FMOD: variants seen among roughly 807,000 people sequenced by gnomAD.
FMOD encodes the protein KSPG fibromodulin.
FMOD carries 15 observed loss-of-function variants against 27.0 expected under a neutral mutation model. The ratio of observed to expected loss-of-function variants is 0.55; its 90% CI spans 0.37 to 0.85. FMOD has a LOEUF of 0.85. Ranked by LOEUF, FMOD falls within the 40% of genes least tolerant of loss-of-function variation. The pLI is 0.00. For missense variants in FMOD, 460 were observed against 483.2 expected, an observed-to-expected ratio of 0.95 and a Z score of 0.45; for synonymous variants, 210 against 214.0, an observed-to-expected ratio of 0.98 and a Z score of 0.16.
chr1:203,350,574 C>T (rs1323144555), intron 1 of FMOD, among the ~76,000 whole-genome samples: 5 of 129,824 alleles, frequency 3.9e-5, no homozygotes, highest in Admixed American at 8.3e-5. Context: ...CTTTCCACTC[C>T]AAACACACAC....
At chr1:203,346,697 G>C (rs139031901) in intron 2 of FMOD, among the ~76,000 whole-genome samples, 2 of 152,210 alleles carry the variant, frequency 1.3e-5, no homozygotes, top group East Asian at 3.9e-4. Context: ...CACAAGACCA[G>C]GCTGTAGACG....
At chr1:203,348,817 G>A (rs1348924848) in intron 1 of FMOD, among the ~76,000 whole-genome samples, 1 of 152,240 alleles carries the variant, frequency 6.6e-6, no homozygotes, top group Non-Finnish European at 1.5e-5. Context: ...ACTACATCTG[G>A]AAAATCTTTT....
In FMOD at chr1:203,342,248, C is replaced by T; in HGVS notation, c.*95G>A. On this transcript the variant is annotated 3_prime_UTR_variant, in exon 3 of 3. Transcript: ENST00000354955. ...AGAGGGTGCCCGTGGACTTCTGTCACATGGTCCATCCTGGACCTTCCAGCA... is the reference window on the plus strand; with the variant it reads ...AGAGGGTGCCCGTGGACTTCTGTCATATGGTCCATCCTGGACCTTCCAGCA... 6.9e-7 allele frequency: 1 copy of T among 1,454,244 alleles called. No homozygotes were observed. Among genetic ancestry groups the T allele is most frequent in the South Asian group, 1.3e-5 (1 of 74,288 alleles). 90.1% of individuals were successfully genotyped at this position (1,454,244 alleles called of 1,614,324 possible).
intron 1 of FMOD, among the ~76,000 whole-genome samples, chr1:203,349,825 C>T (rs1658960217): frequency 6.6e-6 from 1 of 152,246 alleles, no homozygotes; most frequent in Non-Finnish European, 1.5e-5. Context: ...CTTGGGCCCA[C>T]TTCATCCCAT....
intron 1 of FMOD, among the ~76,000 whole-genome samples, chr1:203,349,600 G>T (rs1343466922): frequency 6.6e-6 from 1 of 152,166 alleles, no homozygotes; most frequent in Admixed American, 6.5e-5. Context: ...AGAAACCTTA[G>T]AATCTTTCTT....
chr1:203,350,937 C>T (rs1658988682), intron 1 of FMOD, 96 bp downstream of exon 1: 1 of 152,278 alleles, frequency 6.6e-6, no homozygotes, highest in Admixed American at 6.5e-5. Flanking sequence ...AATGAACCCT[C>T]CCTGCCTCCC....
rs1367719784 is a variant in FMOD at position 203,347,892 on chromosome 1, T to C, written c.379A>G (p.Asn127Asp). Reference protein sequence around the residue: ...ITSIQEGVFDNATGLLWIALH... With the variant: ...ITSIQEGVFDDATGLLWIALH... ...GCAATCCAGAGCAGCCCTGTGGCAT[T>C]GTCAAAGACGCCTTCCTGGATGGAG... is the stretch of plus-strand genomic sequence containing the variant. The change falls in exon 2 of 3, where the codon AAT becomes GAT. Residue 127 changes from asparagine (N) to aspartate (D), a missense_variant. Asn to Asp is a conservative substitution (Grantham distance 23). Transcript: ENST00000354955. The C allele has an allele frequency of 1.2e-6, 2 of 1,613,650 alleles. No homozygotes were observed. Among genetic ancestry groups the C allele is most frequent in the Non-Finnish European group, 1.7e-6 (2 of 1,179,712 alleles).
intron 1 of FMOD, 49 bp from the exon 2 acceptor site, chr1:203,348,326 A>T: frequency 6.4e-7 from 1 of 1,568,992 alleles, no homozygotes; most frequent in South Asian, 1.2e-5. Context: ...GTGAGACTCC[A>T]CAGAGGCAGT....
chr1:203,350,124 T>A (rs1658965524), intron 1 of FMOD, among the ~76,000 whole-genome samples: 1 of 152,226 alleles, frequency 6.6e-6, no homozygotes, highest in African/African-American at 2.4e-5. Flanking sequence ...CTGGGCACCT[T>A]GGCAGACAAG....
intron 2 of FMOD, among the ~76,000 whole-genome samples, chr1:203,343,566 G>C (rs1447471281): frequency 6.6e-6 from 1 of 152,208 alleles, no homozygotes; most frequent in Non-Finnish European, 1.5e-5. Flanking sequence ...GGGTCTTGAG[G>C]GTAGGATTGT....
Position 203,345,206 on chromosome 1 carries a change from T to C in FMOD, c.979+2086A>G, listed in dbSNP as rs139487477. 7.0e-3 allele frequency among the ~76,000 whole-genome samples: 1,071 copies of C among 152,088 alleles called. 14 individuals carry two copies. Among genetic ancestry groups the C allele is most frequent in the African/African-American group, 0.025 (1,022 of 41,472 alleles). On this transcript the variant is annotated intron_variant, in intron 2 of 2. Coordinates refer to ENST00000354955, the MANE Select transcript of FMOD (RefSeq NM_002023.5). ...TGATTTGGGAGTAGACACCGAAAAT[T>C]TGGGGGTTGTTTGAACAGAGAATTT...
At chr1:203,343,405 C>T (rs1658830283) in intron 2 of FMOD, among the ~76,000 whole-genome samples, 1 of 152,200 alleles carries the variant, frequency 6.6e-6, no homozygotes, top group Admixed American at 6.5e-5. Context: ...AAGCCAAGAA[C>T]TCAGCTAAAA....
At chr1:203,347,221 C>T in intron 2 of FMOD, 71 bp downstream of exon 2, 2 of 1,512,434 alleles carry the variant, frequency 1.3e-6, no homozygotes, top group Non-Finnish European at 8.9e-7. Context: ...TGTTTTGCCA[C>T]TAGCACTCAG....
At chr1:203,344,992 A>G (rs895449143) in intron 2 of FMOD, among the ~76,000 whole-genome samples, 3 of 152,212 alleles carry the variant, frequency 2.0e-5, no homozygotes, top group Non-Finnish European at 4.4e-5. Context: ...TAAAGTGGCA[A>G]TGAGAAGAAA....
Position 203,347,812 on chromosome 1 carries a change from C to T in FMOD, c.459G>A (p.Lys153=), listed in dbSNP as rs183197075. The T allele has an allele frequency of 7.4e-6, 12 of 1,613,976 alleles. No individual in the cohort carries two copies. The African/African-American group carries it at 9.3e-5, about 13-fold the overall frequency. Residue 153 remains lysine (K), a synonymous_variant, in exon 2 of 3, where the codon AAG becomes AAA. Transcript: ENST00000354955. ...GGTACAGCCTCTCCAGGTGCCTCAG[C>T]TTGGAGAAGACCTTCCTGCCCACCT... ...SDKVGRKVFS[K]LRHLERLYLD...
chr1:203,347,512 G>A lies in FMOD; in HGVS notation c.759C>T (p.His253=), dbSNP rs77856193. ...TATCGGGGACGGTGTAGACATTGTT[G>A]TGCTCCATGTACAGCTGCTCAAGAG... ...PSALEQLYME[H]NNVYTVPDSY... Residue 253 remains histidine (H), a synonymous_variant, in exon 2 of 3, where the codon CAC becomes CAT. Coordinates refer to ENST00000354955, the MANE Select transcript of FMOD (RefSeq NM_002023.5). 2,686 of 1,614,192 alleles carry A rather than the reference G, an allele frequency of 1.7e-3. 38 individuals carry two copies. The African/African-American group carries it at 0.032, about 19-fold the overall frequency.
At chr1:203,344,360 A>G (rs1038888591) in intron 2 of FMOD, among the ~76,000 whole-genome samples, 3 of 152,176 alleles carry the variant, frequency 2.0e-5, no homozygotes, top group Admixed American at 2.0e-4. Context: ...CACACAGTGT[A>G]TATGGACTCT....
At chr1:203,349,254 A>G (rs2102305790) in intron 1 of FMOD, among the ~76,000 whole-genome samples, 1 of 152,350 alleles carries the variant, frequency 6.6e-6, no homozygotes, top group Admixed American at 6.5e-5. Flanking sequence ...ACTCTTGTGT[A>G]TGCTCAAGGG....
intron 2 of FMOD, among the ~76,000 whole-genome samples, chr1:203,344,403 G>A (rs553906886): frequency 8.9e-4 from 136 of 152,214 alleles, no homozygotes; most frequent in African/African-American, 3.0e-3. Context: ...GCACCCCCCC[G>A]TCTTCCCCAA....
Sources: gnomAD v4.1 joint callset for allele counts (sites outside exome capture counted in the v4.1 genomes callset) on GRCh38, gnomAD v4.1.1 for gene constraint, MANE v1.5 for transcripts, NCBI Gene and HGNC (gene_info 2026-07-23, HGNC 2026-07-21) for gene names.